The following RERE variants were observed in gnomAD, a reference collection of about 807,000 sequenced individuals.
RERE encodes arginine-glutamic acid dipeptide repeats protein.
In RERE, 40 loss-of-function variants were observed where a neutral mutation model predicts 146.1. That is an observed-to-expected ratio of 0.27 (90% CI 0.21 to 0.36). RERE has a LOEUF of 0.36. Ranked by LOEUF, RERE falls within the 10% of genes least tolerant of loss-of-function variation. The pLI, the probability that RERE is intolerant of heterozygous loss-of-function variation, is 1.00. For synonymous variants in RERE, 1,003 were observed against 866.0 expected (o/e 1.16, Z -2.78); for missense variants, 1,933 against 2,138.7 (o/e 0.90, Z 1.90).
intron 8 of RERE, among the ~76,000 whole-genome samples, chr1:8,497,791 G>C (rs1645064640): frequency 6.6e-6 from 1 of 152,070 alleles, no homozygotes; most frequent in Non-Finnish European, 1.5e-5. Context: ...ATGATACCAA[G>C]AGTAAAACTG....
At chr1:8,689,795 A>G (rs1343027990) in intron 1 of RERE, among the ~76,000 whole-genome samples, 2 of 151,936 alleles carry the variant, frequency 1.3e-5, no homozygotes, top group Non-Finnish European at 2.9e-5. Context: ...AAAAACTACT[A>G]ACAGGCTTAG....
intron 10 of RERE, among the ~76,000 whole-genome samples, chr1:8,488,438 G>T (rs757257059): frequency 2.6e-5 from 4 of 152,024 alleles, no homozygotes; most frequent in Non-Finnish European, 5.9e-5. Flanking sequence ...TAGAGACGAG[G>T]TTTCACCATG....
At chr1:8,753,005 G>A (rs1458732735) in intron 1 of RERE, among the ~76,000 whole-genome samples, 1 of 152,094 alleles carries the variant, frequency 6.6e-6, no homozygotes, top group Non-Finnish European at 1.5e-5. Context: ...AATGAGGAAG[G>A]ATCAATATTA....
chr1:8,752,954 T>C (rs1345385290), intron 1 of RERE, among the ~76,000 whole-genome samples: 1 of 152,200 alleles, frequency 6.6e-6, no homozygotes, highest in African/African-American at 2.4e-5. Context: ...TGTCCTGAGC[T>C]ATTAGAAAGA....
At position 8,402,288 on chromosome 1, in the gene RERE, G is replaced by C. The variant is rs541715229; in HGVS notation, c.1284+20439C>G. On this transcript the variant is annotated intron_variant, in intron 12 of 22. Coordinates refer to ENST00000400908, the MANE Select transcript of RERE (RefSeq NM_001042681.2). ...ATAGGTACGCCAGGTTTCCATCCCAGTCGAGCTCAGCCTCAGAGTCACCAT... is the reference window on the plus strand; with the variant it reads ...ATAGGTACGCCAGGTTTCCATCCCACTCGAGCTCAGCCTCAGAGTCACCAT... Among the ~76,000 whole-genome samples the C allele has an allele frequency of 9.2e-5, 14 of 152,294 alleles. No individual in the cohort carries two copies. In the East Asian group the frequency reaches 1.9e-3, roughly 21 times the overall value.
At chr1:8,774,951 CTTTTTTTT>C (rs869173167) in intron 1 of RERE, among the ~76,000 whole-genome samples, 10 of 47,944 alleles carry the variant, frequency 2.1e-4, no homozygotes, top group African/African-American at 2.9e-4. Flanking sequence ...TTCTTTCTTT[CTTTTTTTT>C]TTTTTTTTTT....
chr1:8,695,467 G>C (rs2124427504), intron 1 of RERE, among the ~76,000 whole-genome samples: 1 of 151,866 alleles, frequency 6.6e-6, no homozygotes, highest in South Asian at 2.1e-4. Flanking sequence ...TATCAACAAA[G>C]GGCCAGGCAT....
At chr1:8,528,328 T>C (rs1185857373) in intron 7 of RERE, among the ~76,000 whole-genome samples, 2 of 152,216 alleles carry the variant, frequency 1.3e-5, no homozygotes, top group South Asian at 2.1e-4. Context: ...ATGAGGCTTA[T>C]GATCATGGGG....
intron 7 of RERE, among the ~76,000 whole-genome samples, chr1:8,518,890 T>C (rs921547081): frequency 6.6e-6 from 1 of 152,214 alleles, no homozygotes; most frequent in African/African-American, 2.4e-5. Context: ...CTGGGCACAC[T>C]TTCTGTGGGT....
chr1:8,414,224 C>T (rs538288500), intron 12 of RERE, among the ~76,000 whole-genome samples: 13 of 152,074 alleles, frequency 8.5e-5, no homozygotes, highest in Non-Finnish European at 1.2e-4. Flanking sequence ...CCCCAAAATC[C>T]CAACTTTGTC....
chr1:8,815,363 C>A (rs773625276), intron 1 of RERE, among the ~76,000 whole-genome samples: 4 of 152,160 alleles, frequency 2.6e-5, no homozygotes, highest in Admixed American at 6.5e-5. Flanking sequence ...TCAATAAAAT[C>A]TATTTCTATC....
At chr1:8,671,873 T>A (rs1044459308) in intron 1 of RERE, among the ~76,000 whole-genome samples, 2 of 152,132 alleles carry the variant, frequency 1.3e-5, no homozygotes, top group Non-Finnish European at 2.9e-5. Context: ...TGTTTTAAAG[T>A]AAGTGATATG....
chr1:8,468,811 G>A (rs974874362), intron 10 of RERE, among the ~76,000 whole-genome samples: 40 of 151,914 alleles, frequency 2.6e-4, no homozygotes, highest in Admixed American at 9.2e-4. Flanking sequence ...GTGAAAGGAC[G>A]GCTTGAGCCT....
intron 1 of RERE, among the ~76,000 whole-genome samples, chr1:8,778,210 C>T (rs774118750): frequency 2.5e-4 from 38 of 152,322 alleles, no homozygotes; most frequent in Non-Finnish European, 5.3e-4. Context: ...GATGACCCCA[C>T]ATAGACTGTT....
intron 2 of RERE, among the ~76,000 whole-genome samples, chr1:8,625,201 C>G (rs1479102846): frequency 6.6e-6 from 1 of 152,124 alleles, no homozygotes; most frequent in Non-Finnish European, 1.5e-5. Context: ...TCAAGCAATC[C>G]TCCCACCTCA....
intron 4 of RERE, among the ~76,000 whole-genome samples, chr1:8,601,465 G>A (rs1264545228): frequency 2.0e-5 from 3 of 152,072 alleles, no homozygotes; most frequent in Non-Finnish European, 4.4e-5. Flanking sequence ...TACAGACCAC[G>A]TGACAGTGGG....
At chr1:8,504,852 C>CA (rs1020812584) in intron 8 of RERE, among the ~76,000 whole-genome samples, 556 of 133,816 alleles carry the variant, frequency 4.2e-3, no homozygotes, top group Non-Finnish European at 4.2e-3. Flanking sequence ...GACTCCGTCT[C>CA]AAAAAAAAAA....
intron 1 of RERE, among the ~76,000 whole-genome samples, chr1:8,729,167 CTCAATCAA>C (rs144148246): frequency 0.17 from 24,599 of 146,344 alleles, 2,510 homozygotes; most frequent in Middle Eastern, 0.25. Context: ...GAGACTCCAT[CTCAATCAA>C]TCAATCAATC....
chr1:8,468,223 T>C (rs1644629765), intron 10 of RERE, among the ~76,000 whole-genome samples: 1 of 152,196 alleles, frequency 6.6e-6, no homozygotes, highest in South Asian at 2.1e-4. Flanking sequence ...GTATTTATTA[T>C]TACCATTAGA....
Sources: gnomAD v4.1 joint callset for allele counts (sites outside exome capture counted in the v4.1 genomes callset) on GRCh38, gnomAD v4.1.1 for gene constraint, MANE v1.5 for transcripts, NCBI Gene and HGNC (gene_info 2026-07-23, HGNC 2026-07-21) for gene names.